The following ZBTB7C variants were observed in gnomAD, a reference collection of about 807,000 sequenced individuals.
The protein encoded by ZBTB7C is zinc finger and BTB domain-containing protein 7C.
ZBTB7C carries 8 observed loss-of-function variants against 25.7 expected under a neutral mutation model. The ratio of observed to expected loss-of-function variants is 0.31; its 90% CI spans 0.18 to 0.56. The LOEUF is 0.56. Ranked by LOEUF, ZBTB7C falls within the 20% of genes least tolerant of loss-of-function variation. The pLI is 0.91. For synonymous variants in ZBTB7C, 394 were observed against 369.0 expected (o/e 1.07, Z -0.78); for missense variants, 824 against 855.2 (o/e 0.96, Z 0.46).
intron 2 of ZBTB7C, among the ~76,000 whole-genome samples, chr18:48,261,896 T>C (rs2044182314): frequency 6.6e-6 from 1 of 152,220 alleles, no homozygotes; most frequent in Non-Finnish European, 1.5e-5. Flanking sequence ...AGGTCTGGCC[T>C]TGGCCTTCCT....
intron 4 of ZBTB7C, among the ~76,000 whole-genome samples, chr18:48,034,390 G>T (rs1460733719): frequency 6.6e-6 from 1 of 152,098 alleles, no homozygotes; most frequent in Admixed American, 6.5e-5. Context: ...TGGATGCCCT[G>T]TAAACCCTGG....
intron 1 of ZBTB7C, among the ~76,000 whole-genome samples, chr18:48,372,271 C>A (rs1197788344): frequency 6.6e-6 from 1 of 152,194 alleles, no homozygotes. Flanking sequence ...TCCACTGCCA[C>A]AGGAACATCC....
At position 48,162,824 on chromosome 18, in the gene ZBTB7C, A is replaced by T. The variant is rs1485445551; in HGVS notation, c.-17+23110T>A. 2.0e-5 allele frequency among the ~76,000 whole-genome samples: 3 copies of T among 152,234 alleles called. No homozygotes were observed. In the East Asian group the frequency reaches 5.8e-4, roughly 29 times the overall value. On this transcript the variant is annotated intron_variant, in intron 3 of 4. Coordinates refer to ENST00000590800, the MANE Select transcript of ZBTB7C (RefSeq NM_001318841.2). ...ACACAATAGTGCCTCTCAGTAAATA[A>T]GAGACGCAGGATGGAGAGGACAGGC...
intron 3 of ZBTB7C, among the ~76,000 whole-genome samples, chr18:48,070,511 A>G (rs1003852124): frequency 1.3e-5 from 2 of 152,202 alleles, no homozygotes; most frequent in Non-Finnish European, 2.9e-5. Flanking sequence ...AAGGGCCCCC[A>G]CAAAGCTGGG....
At chr18:48,362,367 G>A (rs1422720698) in intron 1 of ZBTB7C, among the ~76,000 whole-genome samples, 1 of 152,212 alleles carries the variant, frequency 6.6e-6, no homozygotes, top group East Asian at 1.9e-4. Flanking sequence ...ATGGTGTGAG[G>A]AGGTGGGGCC....
At chr18:48,264,748 G>C (rs949457418) in intron 2 of ZBTB7C, among the ~76,000 whole-genome samples, 6 of 152,146 alleles carry the variant, frequency 3.9e-5, no homozygotes, top group South Asian at 4.2e-4. Flanking sequence ...ATGTTCATGT[G>C]GTGGACACTC....
At position 48,040,379 on chromosome 18, in the gene ZBTB7C, G is replaced by C. The variant is rs1221802743; in HGVS notation, c.729C>G (p.Asp243Glu). The change falls in exon 4 of 5, where the codon GAC (aspartate) becomes GAG (glutamate). Residue 243 changes from aspartate to glutamate, a missense_variant. Coordinates refer to ENST00000590800, the MANE Select transcript of ZBTB7C (RefSeq NM_001318841.2). The part of the protein sequence containing the change: ...ENLYPKANIP[D>E]RRPSLSPFAP... ...CGAATGGAGACAAGGAGGGTCTCCT[G>C]TCGGGGATGTTGGCCTTGGGGTACA... is the stretch of plus-strand genomic sequence containing the variant. 3.1e-6 allele frequency: 5 copies of C among 1,612,006 alleles called. No individual in the cohort carries two copies. The highest frequency in any genetic ancestry group is 3.3e-5 in the Admixed American group (2 of 59,864).
intron 3 of ZBTB7C, among the ~76,000 whole-genome samples, chr18:48,170,398 C>T (rs570910451): frequency 1.4e-4 from 22 of 152,306 alleles, no homozygotes; most frequent in South Asian, 8.3e-4. Flanking sequence ...GAGAAGGATG[C>T]GCAGACTGAG....
chr18:48,385,004 G>C (rs2145224771), intron 1 of ZBTB7C, among the ~76,000 whole-genome samples: 1 of 152,182 alleles, frequency 6.6e-6, no homozygotes, highest in East Asian at 1.9e-4. Flanking sequence ...TTTTATGTGT[G>C]GCCCAAGACA....
intron 3 of ZBTB7C, among the ~76,000 whole-genome samples, chr18:48,062,044 T>C (rs1367760244): frequency 1.3e-5 from 2 of 152,202 alleles, no homozygotes; most frequent in Middle Eastern, 3.2e-3. Flanking sequence ...GACAAAGTGC[T>C]AAACCAGAAA....
rs1310320443 is a variant in ZBTB7C at position 48,091,769 on chromosome 18, ACT to A, written c.-16-50648_-16-50647del. ...TGTTTTCTGAGTTCTGGGCTGGAAG[ACT>A]CTGCCCATCTCACCCACTGTGGGTC... is the stretch of plus-strand genomic sequence containing the variant. On this transcript the variant is annotated intron_variant, in intron 3 of 4. Transcript: ENST00000590800. Among the ~76,000 whole-genome samples, 3 of 151,818 alleles carry A rather than the reference ACT, an allele frequency of 2.0e-5. No individual in the cohort carries two copies. The East Asian group carries it at 5.8e-4, about 29-fold the overall frequency.
At chr18:48,380,643 G>A (rs2047615150) in intron 1 of ZBTB7C, among the ~76,000 whole-genome samples, 2 of 152,150 alleles carry the variant, frequency 1.3e-5, no homozygotes, top group Non-Finnish European at 2.9e-5. Flanking sequence ...GTTACAAACA[G>A]TCACAGCCAA....
At chr18:48,123,047 C>T (rs2039683868) in intron 3 of ZBTB7C, among the ~76,000 whole-genome samples, 1 of 152,154 alleles carries the variant, frequency 6.6e-6, no homozygotes, top group Non-Finnish European at 1.5e-5. Context: ...ACACCCTGGG[C>T]TGTAGCATCT....
chr18:48,364,732 A>G (rs965773179), intron 1 of ZBTB7C, among the ~76,000 whole-genome samples: 1 of 152,174 alleles, frequency 6.6e-6, no homozygotes, highest in Non-Finnish European at 1.5e-5. Flanking sequence ...TCCTATTTCC[A>G]TTTCTTGTAT....
intron 2 of ZBTB7C, among the ~76,000 whole-genome samples, chr18:48,216,570 C>T (rs2042828517): frequency 6.6e-6 from 1 of 152,150 alleles, no homozygotes; most frequent in Non-Finnish European, 1.5e-5. Context: ...ACCTGGGTCT[C>T]CGGGCCAGAC....
chr18:48,361,218 C>T (rs974614750), intron 1 of ZBTB7C, among the ~76,000 whole-genome samples: 1 of 152,134 alleles, frequency 6.6e-6, no homozygotes, highest in Non-Finnish European at 1.5e-5. Context: ...AGAACACAAC[C>T]GCTTTATGCA....
chr18:48,278,992 G>T (rs566666407), intron 2 of ZBTB7C, among the ~76,000 whole-genome samples: 19 of 151,410 alleles, frequency 1.3e-4, no homozygotes, highest in African/African-American at 4.1e-4. Context: ...TGGAGACAGT[G>T]AAAATTAATT....
intron 3 of ZBTB7C, among the ~76,000 whole-genome samples, chr18:48,157,966 G>C (rs569303284): frequency 2.0e-5 from 3 of 152,128 alleles, no homozygotes; most frequent in Admixed American, 6.5e-5. Context: ...GAGGGAATAG[G>C]GCTTGAGGGA....
At chr18:48,041,403 G>A (rs978898505) in intron 3 of ZBTB7C, 2 of 985,312 alleles carry the variant, frequency 2.0e-6, no homozygotes, top group African/African-American at 3.5e-5. Flanking sequence ...TCTCAGGCTT[G>A]GTGTTACTGA....
Sources: allele counts gnomAD v4.1 joint callset (sites outside exome capture counted in the v4.1 genomes callset), GRCh38; gene constraint gnomAD v4.1.1; transcripts MANE v1.5; gene names NCBI Gene and HGNC (gene_info 2026-07-23, HGNC 2026-07-21).